DGCR6L: variants seen among roughly 807,000 people sequenced by gnomAD.
The protein encoded by DGCR6L is DiGeorge syndrome critical region gene 6 like.
In DGCR6L, 24 loss-of-function variants were observed where a neutral mutation model predicts 31.1. That is an observed-to-expected ratio of 0.77 (90% CI 0.56 to 1.08). DGCR6L has a LOEUF of 1.08. DGCR6L is among the 50% of genes least tolerant of loss of function. The pLI is 0.00. For missense variants in DGCR6L, 218 were observed against 287.1 expected, an observed-to-expected ratio of 0.76 and a Z score of 1.74; for synonymous variants, 104 against 126.1, an observed-to-expected ratio of 0.82 and a Z score of 1.17.
chr22:20,318,361 G>T (rs2904579), intron 2 of DGCR6L: 2 of 152,242 alleles, frequency 1.3e-5, no homozygotes, highest in East Asian at 3.8e-4. Flanking sequence ...CAGTGTACAG[G>T]AAACCCAGAG....
intron 4 of DGCR6L, 131 bp downstream of exon 4, chr22:20,315,205 T>C: frequency 1.3e-6 from 2 of 1,533,124 alleles, no homozygotes; most frequent in Non-Finnish European, 1.8e-6. Flanking sequence ...CAGAAATCCT[T>C]TCCAGAGCCT....
At chr22:20,314,935 G>T in intron 4 of DGCR6L, 111 bp from the exon 5 acceptor site, 3 of 1,566,206 alleles carry the variant, frequency 1.9e-6, no homozygotes. Context: ...TGTGAAGCCT[G>T]GTCATGGCCT....
At chr22:20,316,770 G>A (rs1412478430) in intron 2 of DGCR6L, among the ~76,000 whole-genome samples, 1 of 152,252 alleles carries the variant, frequency 6.6e-6, no homozygotes, top group Non-Finnish European at 1.5e-5. Flanking sequence ...AGAGGGAGAA[G>A]GGTGGGCAGA....
chr22:20,318,630 CG>C (rs563403717), intron 2 of DGCR6L: 25 of 152,272 alleles, frequency 1.6e-4, no homozygotes, highest in African/African-American at 5.8e-4. Flanking sequence ...AGGAGACACC[CG>C]GAACAGTTAA....
chr22:20,317,239 G>C (rs1286314716), intron 2 of DGCR6L, among the ~76,000 whole-genome samples: 1 of 152,152 alleles, frequency 6.6e-6, no homozygotes, highest in African/African-American at 2.4e-5. Context: ...TACACACCTC[G>C]ACGATGGTAT....
intron 3 of DGCR6L, 132 bp from the exon 4 acceptor site, chr22:20,315,608 G>T (rs535119368): frequency 2.2e-5 from 30 of 1,387,090 alleles, no homozygotes; most frequent in Non-Finnish European, 2.8e-5. Flanking sequence ...CACCACCGGT[G>T]CATCCTCACC....
chr22:20,314,395 G>A lies in DGCR6L; in HGVS notation c.*280C>T. On this transcript the variant is annotated 3_prime_UTR_variant, in exon 5 of 5. Coordinates refer to ENST00000248879, the MANE Select transcript of DGCR6L (RefSeq NM_033257.4). ...CGGCTGAGACCAGAACAAGCGCTCG[G>A]GTGGGCCCCAGTGCAGGTTGGGATG... The A allele has an allele frequency of 1.8e-5, 8 of 445,308 alleles. No individual in the cohort carries two copies. Among genetic ancestry groups the A allele is most frequent in the South Asian group, 1.0e-4 (2 of 19,866 alleles). The allele number at this position is 445,308 out of a possible 1,614,324, so 27.6% of individuals were successfully genotyped here.
Position 20,314,587 on chromosome 22 carries a change from C to T in DGCR6L, c.*88G>A. On this transcript the variant is annotated 3_prime_UTR_variant, in exon 5 of 5. Transcript: ENST00000248879. The stretch of plus-strand genomic sequence containing the variant: ...AGCTGGGGTCCACCTGGTCTCTCCT[C>T]AGCAGGGGGAACCCCCTGCGGGCAG... 1.4e-6 allele frequency: 2 copies of T among 1,471,274 alleles called. No individual in the cohort carries two copies. The highest frequency in any genetic ancestry group is 9.0e-7 in the Non-Finnish European group (1 of 1,106,318). The allele number at this position is 1,471,274 out of a possible 1,614,324, so 91.1% of individuals were successfully genotyped here. A position where few individuals can be genotyped will look rare whatever the true frequency, so the allele number is the denominator to read the frequency against.
At chr22:20,314,888 A>T (rs749034261) in intron 4 of DGCR6L, 64 bp from the exon 5 acceptor site, 30 of 1,606,682 alleles carry the variant, frequency 1.9e-5, no homozygotes, top group Non-Finnish European at 2.1e-5. Flanking sequence ...TCCCGGCCCA[A>T]GGGTGCCAGG....
chr22:20,314,964 C>A, intron 4 of DGCR6L, 140 bp from the exon 5 acceptor site: 1 of 1,525,818 alleles, frequency 6.6e-7, no homozygotes, highest in Non-Finnish European at 8.9e-7. Flanking sequence ...AGGGTGGAAT[C>A]TGAGCTTCTG....
rs768077472 is a variant in DGCR6L at position 20,319,643 on chromosome 22, G to A, written c.267C>T (p.His89=). 5.6e-5 allele frequency: 90 copies of A among 1,611,188 alleles called. No individual in the cohort carries two copies. Among genetic ancestry groups the A allele is most frequent in the Non-Finnish European group, 6.8e-5 (80 of 1,179,782 alleles). The change falls in exon 2 of 5, where the codon CAC becomes CAT. Residue 89 remains histidine (H), a synonymous_variant. Transcript: ENST00000248879. ...CATCCCGCTGCCCCCGCGCACCTCGGTGCTCGTTCTGTAGGCGCAGGCGCT... is the reference window on the plus strand; with the variant it reads ...CATCCCGCTGCCCCCGCGCACCTCGATGCTCGTTCTGTAGGCGCAGGCGCT... The part of the protein sequence containing the change: ...YNQRLRLQNE[H]RVLRQALRQK...
intron 4 of DGCR6L, chr22:20,315,117 A>G (rs1360189937): frequency 8.0e-7 from 1 of 1,256,352 alleles, no homozygotes; most frequent in Non-Finnish European, 1.1e-6. Context: ...GCAGGCCTGG[A>G]GAGGGTGGGC....
chr22:20,314,687 A>T lies in DGCR6L; in HGVS notation c.651T>A (p.Pro217=), dbSNP rs1405832062. 6.3e-7 allele frequency: 1 copy of T among 1,599,210 alleles called. No homozygotes were observed. Among genetic ancestry groups the T allele is most frequent in the Non-Finnish European group, 8.5e-7 (1 of 1,170,822 alleles). The change falls in exon 5 of 5, where the codon CCT becomes CCA. Residue 217 remains proline (P), a synonymous_variant. Transcript: ENST00000248879. ...PAAQCDQKGS[P]VPP Reference sequence around the variant, plus strand: ...CTGCTGCCTGTGGCTATGGTGGGACAGGGCTGCCTTTCTGGTCACACTGGG... The same window carrying T: ...CTGCTGCCTGTGGCTATGGTGGGACTGGGCTGCCTTTCTGGTCACACTGGG...
chr22:20,319,935 C>G lies in DGCR6L; in HGVS notation c.54G>C (p.Gln18His), dbSNP rs1433394990. The change falls in exon 1 of 5, where the codon CAG (glutamine) becomes CAC (histidine). Residue 18 changes from glutamine (Q) to histidine (H), a missense_variant. By Grantham distance (24) the Gln-to-His change is conservative. Transcript: ENST00000248879. ...LEEVADGARQ[Q>H]ERHYQLLSAL... is the part of the protein sequence containing the mutation. ...CCGACAGCAACTGGTAGTGTCGCTC[C>G]TGCTGCCGGGCACCGTCCGCCACCT... 6.2e-7 allele frequency: 1 copy of G among 1,609,818 alleles called. No homozygotes were observed. The highest frequency in any genetic ancestry group is 1.7e-5 in the Admixed American group (1 of 59,698).
chr22:20,319,761 T>C lies in DGCR6L; in HGVS notation c.149A>G (p.Asp50Gly). 1 of 1,612,554 alleles carries C rather than the reference T, an allele frequency of 6.2e-7. No homozygotes were observed. ...QQRLSYTTLS[D>G]LALALLDGTV... Reference sequence around the variant, plus strand: ...GCCGTCGAGAAGCGCCAGGGCCAGGTCGCTGAGCGTGGTGTAGGACAGGCG... The same window carrying C: ...GCCGTCGAGAAGCGCCAGGGCCAGGCCGCTGAGCGTGGTGTAGGACAGGCG... Residue 50 changes from aspartate (D) to glycine (G), a missense_variant, in exon 2 of 5, where the codon GAC becomes GGC. Physicochemically the swap from Asp to Gly is moderately conservative, Grantham distance 94 (BLOSUM62 -1). Around this residue, in one of 4 missense-constraint regions of DGCR6L, gnomAD observed 77 missense variants for 71.2 expected, o/e 1.08. Transcript: ENST00000248879.
chr22:20,315,677 C>T (rs565984079), intron 3 of DGCR6L, among the ~76,000 whole-genome samples: 3 of 152,342 alleles, frequency 2.0e-5, no homozygotes, highest in African/African-American at 4.8e-5. Context: ...GGGGCTTCCA[C>T]GAATGCCCTG....
At position 20,319,422 on chromosome 22, in the gene DGCR6L, C is replaced by G. The variant is rs556097881; in HGVS notation, c.271+217G>C. Among the ~76,000 whole-genome samples, 36 of 152,348 alleles carry G rather than the reference C, an allele frequency of 2.4e-4. No individual in the cohort carries two copies. The South Asian group carries it at 5.2e-3, about 22-fold the overall frequency. ...GGGAAGCCCGAACAGGGAGTTTCTGCTAAGAAGGTGGGTGCTGCGCAACTG... is the reference window on the plus strand; with the variant it reads ...GGGAAGCCCGAACAGGGAGTTTCTGGTAAGAAGGTGGGTGCTGCGCAACTG... On this transcript the variant is annotated intron_variant, in intron 2 of 4. Transcript: ENST00000248879.
chr22:20,315,474 G>A lies in DGCR6L; in HGVS notation c.375C>T (p.Ala125=), dbSNP rs150224836. The A allele has an allele frequency of 3.3e-5, 53 of 1,613,312 alleles. No individual in the cohort carries two copies. In the African/African-American group the frequency reaches 3.6e-4, roughly 11 times the overall value. ...GCTCCTCACGGATCCGGTGTTCCAC[G>A]GCCTGCCATGGGGCCAGGGCGCGGA... The part of the protein sequence containing the change: ...VQAAQQRELE[A]VEHRIREEQR... The change falls in exon 4 of 5, where the codon GCC becomes GCT. Residue 125 remains alanine (A), a splice_region_variant and synonymous_variant. Transcript: ENST00000248879.
rs2051555882 is a variant in DGCR6L at position 20,314,459 on chromosome 22, T to C, written c.*216A>G. 7 of 840,374 alleles carry C rather than the reference T, an allele frequency of 8.3e-6. No individual in the cohort carries two copies. 52.1% of individuals were successfully genotyped at this position (840,374 alleles called of 1,614,324 possible). On this transcript the variant is annotated 3_prime_UTR_variant, in exon 5 of 5. Transcript: ENST00000248879. Reference sequence around the variant, plus strand: ...AAGGTGTGAGAACCCCCAGCCTCACTCTCTGCCTGGTCCTGAAGCAGACAG... The same window carrying C: ...AAGGTGTGAGAACCCCCAGCCTCACCCTCTGCCTGGTCCTGAAGCAGACAG...
Sources: allele counts gnomAD v4.1 joint callset (sites outside exome capture counted in the v4.1 genomes callset), GRCh38; gene constraint gnomAD v4.1.1; regional missense constraint gnomAD v4.1.1; transcripts MANE v1.5; gene names NCBI Gene and HGNC (gene_info 2026-07-23, HGNC 2026-07-21).